The following TCF3 variants were observed in gnomAD, a reference collection of about 807,000 sequenced individuals.
The protein encoded by TCF3 is transcription factor 3, also known as transcription factor E2-alpha.
In TCF3, 54 loss-of-function variants were observed where a neutral mutation model predicts 72.3. The observed-to-expected ratio is 0.75, with a 90% CI of 0.60 to 0.94. TCF3 has a LOEUF of 0.94. Among genes scored for constraint, TCF3 ranks in the 40% least tolerant of loss-of-function variants. TCF3 has a pLI of 0.00. For synonymous variants in TCF3, 525 were observed against 412.6 expected (o/e 1.27, Z -3.30); for missense variants, 1,078 against 934.4 (o/e 1.15, Z -2.00).
chr19:1,621,181 C>A lies in TCF3; in HGVS notation c.966G>T (p.Gly322=). 3 of 1,536,702 alleles carry A rather than the reference C, an allele frequency of 2.0e-6. No homozygotes were observed. The South Asian group carries it at 3.6e-5, about 18-fold the overall frequency. ...CATCCCCGGAGCTGCCAGCTGTGGT[C>A]CCTCGGGAGCCTGTGGGTGAAGAGA... ...SGADSLLGSR[G]TTAGSSGDAL... The change falls in exon 12 of 19, where the codon GGG becomes GGT. Residue 322 remains glycine (G), a synonymous_variant. Transcript: ENST00000262965.
chr19:1,624,093 T>C, intron 7 of TCF3, 93 bp from the exon 8 acceptor site: 2 of 1,356,686 alleles, frequency 1.5e-6, no homozygotes, highest in Non-Finnish European at 2.1e-6. Flanking sequence ...AATTCCCGTT[T>C]CATATATTAA....
chr19:1,644,127 C>T (rs10413112), intron 3 of TCF3, among the ~76,000 whole-genome samples: 1 of 152,236 alleles, frequency 6.6e-6, no homozygotes, highest in Admixed American at 6.5e-5. Flanking sequence ...AAGCAGGAAG[C>T]GGGGAAATGA....
chr19:1,641,982 C>A (rs1314772313), intron 3 of TCF3, among the ~76,000 whole-genome samples: 2 of 151,832 alleles, frequency 1.3e-5, no homozygotes, highest in South Asian at 2.1e-4. Flanking sequence ...AACTTCAAGG[C>A]TACAGTCAGT....
intron 3 of TCF3, among the ~76,000 whole-genome samples, chr19:1,638,457 G>A (rs2064775455): frequency 1.3e-5 from 2 of 152,096 alleles, no homozygotes; most frequent in South Asian, 2.1e-4. Context: ...TAATTTTTTT[G>A]TATTTTTAAC....
chr19:1,651,925 T>C (rs1263165994), intron 1 of TCF3, among the ~76,000 whole-genome samples: 2 of 145,146 alleles, frequency 1.4e-5, no homozygotes, highest in African/African-American at 2.6e-5. Flanking sequence ...CGGGCCCCCC[T>C]CTACCCGAGA....
Position 1,619,797 on chromosome 19 carries a change from C to T in TCF3, c.1150G>A (p.Gly384Arg), listed in dbSNP as rs149802542. ...GCACTCACCAGGCCGTGGAGACCCCCGTCGTAGCTGGGCGATAAGGCACCG... is the reference window on the plus strand; with the variant it reads ...GCACTCACCAGGCCGTGGAGACCCCTGTCGTAGCTGGGCGATAAGGCACCG... ...APGALSPSYD[G>R]GLHGLQSKIE... The change falls in exon 14 of 19, where the codon GGG (glycine) becomes AGG (arginine). Residue 384 changes from glycine to arginine, a missense_variant. Transcript: ENST00000262965. The T allele has an allele frequency of 1.3e-5, 21 of 1,560,508 alleles. No homozygotes were observed. The highest frequency in any genetic ancestry group is 9.5e-5 in the African/African-American group (7 of 73,366).
chr19:1,635,838 C>T (rs192749226), intron 3 of TCF3, among the ~76,000 whole-genome samples: 28 of 152,356 alleles, frequency 1.8e-4, no homozygotes, highest in African/African-American at 6.3e-4. Context: ...CCAAATACCA[C>T]GGTCACGTCT....
At chr19:1,637,351 C>T (rs900503916) in intron 3 of TCF3, among the ~76,000 whole-genome samples, 3 of 152,180 alleles carry the variant, frequency 2.0e-5, no homozygotes, top group Non-Finnish European at 2.9e-5. Context: ...GAACCAGGGA[C>T]AACCTTCTCC....
chr19:1,639,144 A>G (rs926892963), intron 3 of TCF3, among the ~76,000 whole-genome samples: 1 of 152,206 alleles, frequency 6.6e-6, no homozygotes, highest in Non-Finnish European at 1.5e-5. Context: ...CCCAGGTTCA[A>G]GTGATTCTCC....
rs2061347688 is a variant in TCF3 at position 1,614,461 on chromosome 19, CGGGATGGAGGGGA to C, written c.1822+811_1822+823del. On this transcript the variant is annotated intron_variant, in intron 18 of 18. Transcript: ENST00000262965. This position sits in a 1 kb window ranked among gnomAD's most constrained non-coding sequence, Gnocchi z 5.6. ...CACGGGAAGCAGAGGGACGGACGGGCGGGATGGAGGGGAGGGCGGAAGGCAGACAGCAGAGAGG... is the reference window on the plus strand; with the variant it reads ...CACGGGAAGCAGAGGGACGGACGGGCGGGCGGAAGGCAGACAGCAGAGAGG... Among the ~76,000 whole-genome samples, 1 of 151,760 alleles carries C rather than the reference CGGGATGGAGGGGA, an allele frequency of 6.6e-6. No individual in the cohort carries two copies. Among genetic ancestry groups the C allele is most frequent in the Non-Finnish European group, 1.5e-5 (1 of 67,918 alleles).
chr19:1,620,929 C>T (rs2146074470), intron 13 of TCF3, 39 bp downstream of exon 13: 1 of 1,442,498 alleles, frequency 6.9e-7, no homozygotes, highest in Non-Finnish European at 9.1e-7. Flanking sequence ...CAAACCCTCA[C>T]AGACCTCAGC....
chr19:1,621,791 A>G, intron 11 of TCF3, 47 bp downstream of exon 11: 2 of 1,517,472 alleles, frequency 1.3e-6, no homozygotes, highest in Non-Finnish European at 8.8e-7. Context: ...CCCTGCCTGG[A>G]GCCCAGTGTC....
chr19:1,625,516 T>TAC, intron 7 of TCF3, 60 bp downstream of exon 7: 2 of 1,488,062 alleles, frequency 1.3e-6, no homozygotes, highest in Non-Finnish European at 1.8e-6. Flanking sequence ...GGAAGCCTCC[T>TAC]ACCTCCCTTT....
chr19:1,612,583 G>C, intron 18 of TCF3: 2 of 737,522 alleles, frequency 2.7e-6, no homozygotes, highest in Non-Finnish European at 4.4e-6. Flanking sequence ...GGGCACAGCA[G>C]TGTGGGCAGC....
At chr19:1,641,600 G>A (rs1029380466) in intron 3 of TCF3, among the ~76,000 whole-genome samples, 7 of 152,000 alleles carry the variant, frequency 4.6e-5, no homozygotes, top group African/African-American at 1.5e-4. Context: ...TGACAGGCAC[G>A]CACCACCACG....
At chr19:1,620,423 G>A (rs1465387407) in intron 13 of TCF3, among the ~76,000 whole-genome samples, 1 of 152,158 alleles carries the variant, frequency 6.6e-6, no homozygotes, top group Non-Finnish European at 1.5e-5. Context: ...TCCCATGCCG[G>A]AGCACCGCAC....
intron 3 of TCF3, among the ~76,000 whole-genome samples, chr19:1,644,455 C>T (rs1600096477): frequency 6.6e-6 from 1 of 152,174 alleles, no homozygotes; most frequent in South Asian, 2.1e-4. Context: ...AGCCACATCA[C>T]GTCCCTCAAG....
intron 1 of TCF3, chr19:1,651,105 CA>C (rs1161776841): frequency 4.3e-6 from 1 of 232,322 alleles, no homozygotes. Flanking sequence ...CGCGTGGTCC[CA>C]GGGGGCTCCA....
intron 3 of TCF3, among the ~76,000 whole-genome samples, chr19:1,637,059 C>A (rs1057096353): frequency 6.6e-6 from 1 of 151,976 alleles, no homozygotes; most frequent in African/African-American, 2.4e-5. Context: ...GAACCGGGGA[C>A]GCCTCGCAAC....
Sources: allele counts gnomAD v4.1 joint callset (sites outside exome capture counted in the v4.1 genomes callset), GRCh38; gene constraint gnomAD v4.1.1; non-coding constraint Gnocchi (gnomAD v3.1); transcripts MANE v1.5; gene names NCBI Gene and HGNC (gene_info 2026-07-23, HGNC 2026-07-21).